Variants in DNMT3L observed in about 807,000 individuals in gnomAD.
The protein encoded by DNMT3L is DNA methyltransferase 3 like.
A neutral mutation model predicts 36.2 loss-of-function variants in DNMT3L; 33 were observed. The ratio of observed to expected loss-of-function variants is 0.91; its 90% CI spans 0.69 to 1.22. The LOEUF is 1.22. Ranked by LOEUF, DNMT3L falls within the 50% of genes most tolerant of loss-of-function variation. The probability of loss-of-function intolerance (pLI) is 0.00; values close to 1 mark genes in which losing one functional copy is unlikely to be tolerated. For missense variants in DNMT3L, 310 were observed against 303.1 expected (o/e 1.02, Z -0.17); for synonymous variants, 117 against 121.7 (o/e 0.96, Z 0.26).
intron 6 of DNMT3L, among the ~76,000 whole-genome samples, chr21:44,257,694 AAATAAAT>A (rs1382398656): frequency 1.4e-4 from 8 of 55,226 alleles, no homozygotes; most frequent in African/African-American, 6.2e-4. Flanking sequence ...AAAAAAAAAA[AAATAAAT>A]AAATAAATAA....
rs1163144628 is a variant in DNMT3L, at chr21:44,258,167, C to T, written c.516+356G>A. On this transcript the variant is annotated intron_variant, in intron 6 of 11. Coordinates refer to ENST00000628202, the MANE Select transcript of DNMT3L (RefSeq NM_175867.3). The surrounding 1 kb of genome is among the most constrained non-coding windows in gnomAD (Gnocchi z 6.2). ...CTTTGTCTGAGGTTCCTGCCGGCCCCCCTGGCTCCTCGGCTGGACTCCCAA... is the reference window on the plus strand; with the variant it reads ...CTTTGTCTGAGGTTCCTGCCGGCCCTCCTGGCTCCTCGGCTGGACTCCCAA... 6.6e-6 allele frequency among the ~76,000 whole-genome samples: 1 copy of T among 152,166 alleles called. No homozygotes were observed. Among genetic ancestry groups the T allele is most frequent in the Non-Finnish European group, 1.5e-5 (1 of 68,026 alleles).
Position 44,261,286 on chromosome 21 carries a change from C to G in DNMT3L, c.-7-20G>C, listed in dbSNP as rs750675330. 6.2e-7 allele frequency: 1 copy of G among 1,608,728 alleles called. No individual in the cohort carries two copies. Among genetic ancestry groups the G allele is most frequent in the Admixed American group, 1.7e-5 (1 of 59,990 alleles). On this transcript the variant is annotated intron_variant, in intron 1 of 11. Coordinates refer to ENST00000628202, the MANE Select transcript of DNMT3L (RefSeq NM_175867.3). The stretch of plus-strand genomic sequence containing the variant: ...GGGATGCTGTGTCAGGACACACGGA[C>G]ACAGATGTGAGAAAGCCGTCAGCCC...
rs767682501 is a variant in DNMT3L at position 44,256,271 on chromosome 21, A to T, written c.517-117T>A. Reference sequence around the variant, plus strand: ...CTCACTCGAGACTCACCGGAGACACACATAAGACACACCTGCTGAGGCTGA... The same window carrying T: ...CTCACTCGAGACTCACCGGAGACACTCATAAGACACACCTGCTGAGGCTGA... On this transcript the variant is annotated intron_variant, in intron 6 of 11. Coordinates refer to ENST00000628202, the MANE Select transcript of DNMT3L (RefSeq NM_175867.3). 2.3e-4 allele frequency: 239 copies of T among 1,031,788 alleles called. 1 individual carries two copies. The highest frequency in any genetic ancestry group is 3.2e-4 in the Non-Finnish European group (215 of 681,584). The allele number at this position is 1,031,788 out of a possible 1,614,324, so 63.9% of individuals were successfully genotyped here. A position where few individuals can be genotyped will look rare whatever the true frequency, so the allele number is the denominator to read the frequency against.
Position 44,258,472 on chromosome 21 carries a change from G to C in DNMT3L, c.516+51C>G. On this transcript the variant is annotated intron_variant, in intron 6 of 11. Coordinates refer to ENST00000628202, the MANE Select transcript of DNMT3L (RefSeq NM_175867.3). The surrounding 1 kb of genome is among the most constrained non-coding windows in gnomAD (Gnocchi z 6.2). ...CTGCAGCGGGAACCGAGGGAAGGCC[G>C]TAAGTCAGGGCCTGCTGCTGCCGGG... 1 of 1,495,256 alleles carries C rather than the reference G, an allele frequency of 6.7e-7. No homozygotes were observed. 92.6% of individuals were successfully genotyped at this position (1,495,256 alleles called of 1,614,324 possible). A position where few individuals can be genotyped will look rare whatever the true frequency, so the allele number is the denominator to read the frequency against.
chr21:44,258,604 G>A lies in DNMT3L; in HGVS notation c.435C>T (p.Cys145=). ...GCAGCCCGCTTCGGGAGGACGGCAG[G>A]CACAGGTAGCACACCCAGTTGCTCA... The part of the protein sequence containing the change: ...HAMSNWVCYL[C]LPSSRSGLLQ... The change falls in exon 6 of 12, where the codon TGC becomes TGT. Residue 145 remains cysteine (C), a synonymous_variant. Coordinates refer to ENST00000628202, the MANE Select transcript of DNMT3L (RefSeq NM_175867.3). This position sits in a 1 kb window ranked among gnomAD's most constrained non-coding sequence, Gnocchi z 6.2. 2 of 1,612,184 alleles carry A rather than the reference G, an allele frequency of 1.2e-6. No individual in the cohort carries two copies. The highest frequency in any genetic ancestry group is 1.7e-6 in the Non-Finnish European group (2 of 1,179,738).
chr21:44,257,004 G>T (rs1329970433), intron 6 of DNMT3L, among the ~76,000 whole-genome samples: 1 of 152,204 alleles, frequency 6.6e-6, no homozygotes, highest in Non-Finnish European at 1.5e-5. Context: ...TCAGCTCAGG[G>T]GTCCCTTGCT....
At chr21:44,261,293 G>A in intron 1 of DNMT3L, 27 bp from the exon 2 acceptor site, 1 of 1,604,164 alleles carries the variant, frequency 6.2e-7, no homozygotes. Context: ...GGACACAGAT[G>A]TGAGAAAGCC....
rs2040288190 is a variant in DNMT3L, at chr21:44,258,817, A to T, written c.345-123T>A. ...AGTCACGCTGGAGCTCCCTTTGGGA[A>T]GACCAGGTGGTGGACTGGGAAGAGG... On this transcript the variant is annotated intron_variant, in intron 5 of 11. Coordinates refer to ENST00000628202, the MANE Select transcript of DNMT3L (RefSeq NM_175867.3). The surrounding 1 kb of genome is among the most constrained non-coding windows in gnomAD (Gnocchi z 6.2). 2 of 1,347,686 alleles carry T rather than the reference A, an allele frequency of 1.5e-6. No homozygotes were observed. The highest frequency in any genetic ancestry group is 2.0e-6 in the Non-Finnish European group (2 of 1,005,388). The allele number at this position is 1,347,686 out of a possible 1,614,324, so 83.5% of individuals were successfully genotyped here.
At chr21:44,260,048 CAA>C (rs765722839) in intron 3 of DNMT3L, among the ~76,000 whole-genome samples, 57 of 63,474 alleles carry the variant, frequency 9.0e-4, no homozygotes, top group South Asian at 5.4e-3. Flanking sequence ...GAGTGTGTCT[CAA>C]AAAAAAAAAA....
chr21:44,254,535 C>G (rs564279331), intron 8 of DNMT3L, 82 bp downstream of exon 8: 1 of 1,503,638 alleles, frequency 6.7e-7, no homozygotes, highest in Admixed American at 1.8e-5. Flanking sequence ...CCTCCTTGCC[C>G]GCCTCATCCT....
At chr21:44,256,408 G>C (rs976520161) in intron 6 of DNMT3L, among the ~76,000 whole-genome samples, 1 of 149,198 alleles carries the variant, frequency 6.7e-6, no homozygotes, top group African/African-American at 2.5e-5. Flanking sequence ...TAGGTGTGGA[G>C]GGGTTTGCTG....
chr21:44,260,506 G>A (rs1325334059), intron 3 of DNMT3L, among the ~76,000 whole-genome samples: 1 of 152,326 alleles, frequency 6.6e-6, no homozygotes, highest in African/African-American at 2.4e-5. Flanking sequence ...AGGCTGGAGT[G>A]CAGTGGTGTT....
At position 44,258,246 on chromosome 21, in the gene DNMT3L, C is replaced by CT. The variant is rs1246170826; in HGVS notation, c.516+276dup. On this transcript the variant is annotated intron_variant, in intron 6 of 11. Coordinates refer to ENST00000628202, the MANE Select transcript of DNMT3L (RefSeq NM_175867.3). This position sits in a 1 kb window ranked among gnomAD's most constrained non-coding sequence, Gnocchi z 6.2. ...CAGGCACTTGCTCCTGAGGACTGGA[C>CT]TTTGAGACGTGCCAGCCACCCTCTC... is the stretch of plus-strand genomic sequence containing the variant. 6.6e-6 allele frequency among the ~76,000 whole-genome samples: 1 copy of CT among 152,102 alleles called. No individual in the cohort carries two copies. The highest frequency in any genetic ancestry group is 1.5e-5 in the Non-Finnish European group (1 of 68,008).
intron 3 of DNMT3L, among the ~76,000 whole-genome samples, chr21:44,260,441 G>A (rs1190807470): frequency 1.3e-5 from 2 of 152,072 alleles, no homozygotes; most frequent in Non-Finnish European, 2.9e-5. Flanking sequence ...GGGGAGAAGG[G>A]ATACACGTGG....
chr21:44,260,688 G>A (rs992416075), intron 3 of DNMT3L, 107 bp downstream of exon 3: 19 of 1,447,894 alleles, frequency 1.3e-5, no homozygotes, highest in East Asian at 4.6e-5. Flanking sequence ...AAACTCCTGG[G>A]CTCAAATGAT....
intron 7 of DNMT3L, among the ~76,000 whole-genome samples, chr21:44,255,505 CA>C (rs375122043): frequency 7.5e-5 from 11 of 145,848 alleles, no homozygotes; most frequent in South Asian, 2.2e-4. Flanking sequence ...GACTCCGCCT[CA>C]AAAAAAAAAA....
chr21:44,254,586 A>G (rs960551748), intron 8 of DNMT3L, 31 bp downstream of exon 8: 2 of 1,609,818 alleles, frequency 1.2e-6, no homozygotes, highest in Non-Finnish European at 8.5e-7. Flanking sequence ...CGCTCCCACT[A>G]CAGTGTCTGA....
At chr21:44,256,249 A>T in intron 6 of DNMT3L, 95 bp from the exon 7 acceptor site, 1 of 1,264,488 alleles carries the variant, frequency 7.9e-7, no homozygotes, top group Non-Finnish European at 1.1e-6. Flanking sequence ...ATGAACACTC[A>T]CTCGAGACTC....
rs985293048 is a variant in DNMT3L at position 44,260,711 on chromosome 21, G to C, written c.151+84C>G. ...GGGCTCAAATGATCCTCCCACATTG[G>C]TCTCCCAAAGTGCTGGGATTATAGG... On this transcript the variant is annotated intron_variant, in intron 3 of 11. Transcript: ENST00000628202. 3 of 1,564,402 alleles carry C rather than the reference G, an allele frequency of 1.9e-6. No homozygotes were observed. The African/African-American group carries it at 4.1e-5, about 21-fold the overall frequency.
Sources: gnomAD v4.1 joint callset for allele counts (sites outside exome capture counted in the v4.1 genomes callset) on GRCh38, gnomAD v4.1.1 for gene constraint, Gnocchi (gnomAD v3.1) non-coding constraint, MANE v1.5 for transcripts, NCBI Gene and HGNC (gene_info 2026-07-23, HGNC 2026-07-21) for gene names.